Variants in IRF6 observed in about 807,000 individuals in gnomAD.
The protein encoded by IRF6 is Van der Woude syndrome.
Under a neutral mutation model 51.4 loss-of-function variants are expected in IRF6, and 6 were observed. The observed-to-expected ratio is 0.12, with a 90% CI of 0.06 to 0.23. IRF6 has a LOEUF of 0.23. IRF6 is among the 10% of genes least tolerant of loss of function. The probability of loss-of-function intolerance (pLI) is 1.00; values close to 1 mark genes in which losing one functional copy is unlikely to be tolerated. For missense variants in IRF6, 348 were observed against 585.2 expected, an observed-to-expected ratio of 0.59 and a Z score of 4.18; for synonymous variants, 178 against 215.7, an observed-to-expected ratio of 0.83 and a Z score of 1.53.
chr1:209,792,550 C>A, intron 5 of IRF6, 123 bp from the exon 6 acceptor site: 1 of 990,068 alleles, frequency 1.0e-6, no homozygotes, highest in Non-Finnish European at 1.5e-6. Flanking sequence ...CCAGTGTGAT[C>A]TTCCAGCCCA....
intron 5 of IRF6, chr1:209,792,739 A>C (rs1266239871): frequency 2.6e-6 from 1 of 380,776 alleles, no homozygotes; most frequent in Non-Finnish European, 4.8e-6. Context: ...CCATACTGTA[A>C]AATTTGGCCC....
chr1:209,792,142 A>G (rs1273504313), intron 6 of IRF6, 127 bp downstream of exon 6: 4 of 1,031,798 alleles, frequency 3.9e-6, no homozygotes, highest in Non-Finnish European at 5.9e-6. Context: ...AGGAAACAGA[A>G]ACAGAGGATG....
At position 209,786,879 on chromosome 1, in the gene IRF6, G is replaced by A. The variant is rs545169625; in HGVS notation, c.*1541C>T. 6.6e-6 allele frequency: 1 copy of A among 152,286 alleles called. No individual in the cohort carries two copies. Among genetic ancestry groups the A allele is most frequent in the South Asian group, 2.1e-4 (1 of 4,822 alleles). The allele number at this position is 152,286 out of a possible 1,614,324, so 9.4% of individuals were successfully genotyped here. The stretch of plus-strand genomic sequence containing the variant: ...GAGATGGCCTGGTTTAAAGGTACCA[G>A]ACTAGACATGGGCTTCCTTACTATG... On this transcript the variant is annotated 3_prime_UTR_variant, in exon 9 of 9. Coordinates refer to ENST00000367021, the MANE Select transcript of IRF6 (RefSeq NM_006147.4).
Position 209,790,374 on chromosome 1 carries a change from G to A in IRF6, c.1060+121C>T. The A allele has an allele frequency of 8.2e-7, 1 of 1,216,542 alleles. No individual in the cohort carries two copies. The highest frequency in any genetic ancestry group is 1.2e-6 in the Non-Finnish European group (1 of 835,604). 75.4% of individuals were successfully genotyped at this position (1,216,542 alleles called of 1,614,324 possible). A position where few individuals can be genotyped will look rare whatever the true frequency, so the allele number is the denominator to read the frequency against. ...TTCTGTTCTCCCTTGACCTCCTCCA[G>A]ACTAAATTTTTTAAGATCTTTGCCA... On this transcript the variant is annotated intron_variant, in intron 7 of 8. Coordinates refer to ENST00000367021, the MANE Select transcript of IRF6 (RefSeq NM_006147.4). This position sits in a 1 kb window ranked among gnomAD's most constrained non-coding sequence, Gnocchi z 4.8.
At position 209,790,969 on chromosome 1, in the gene IRF6, A is replaced by C. The variant is rs2077865677; in HGVS notation, c.668-82T>G. ...CTGTGACTCATGCAAGTCCATTAAG[A>C]TCAAGCCACCTTTCAACCAGCATTC... On this transcript the variant is annotated intron_variant, in intron 6 of 8. Transcript: ENST00000367021. This position sits in a 1 kb window ranked among gnomAD's most constrained non-coding sequence, Gnocchi z 4.8. The C allele has an allele frequency of 5.0e-6, 8 of 1,605,622 alleles. No individual in the cohort carries two copies. Among genetic ancestry groups the C allele is most frequent in the South Asian group, 1.1e-5 (1 of 90,466 alleles).
rs1038740901 is a variant in IRF6 at position 209,788,031 on chromosome 1, G to A, written c.*389C>T. 10 of 264,998 alleles carry A rather than the reference G, an allele frequency of 3.8e-5. No individual in the cohort carries two copies. The highest frequency in any genetic ancestry group is 5.9e-5 in the Non-Finnish European group (8 of 136,326). The allele number at this position is 264,998 out of a possible 1,614,324, so 16.4% of individuals were successfully genotyped here. On this transcript the variant is annotated 3_prime_UTR_variant, in exon 9 of 9. Transcript: ENST00000367021. Reference sequence around the variant, plus strand: ...CAAGTAGAAGAAGGTCATTGAGTCCGTTCTAAAGCTGGATGCAATTTCAGG... The same window carrying A: ...CAAGTAGAAGAAGGTCATTGAGTCCATTCTAAAGCTGGATGCAATTTCAGG...
rs566395558 is a variant in IRF6, at chr1:209,792,605, G to C, written c.509-178C>G. On this transcript the variant is annotated intron_variant, in intron 5 of 8. Coordinates refer to ENST00000367021, the MANE Select transcript of IRF6 (RefSeq NM_006147.4). ...ACGCAATAAGAAATAAGGTTCCCCT[G>C]CTCCTGCTTCCTAGTCATATTATTT... is the stretch of plus-strand genomic sequence containing the variant. The C allele has an allele frequency of 8.9e-5, 57 of 640,378 alleles. No homozygotes were observed. In the South Asian group the frequency reaches 1.1e-3, roughly 12 times the overall value. The allele number at this position is 640,378 out of a possible 1,614,324, so 39.7% of individuals were successfully genotyped here. A position where few individuals can be genotyped will look rare whatever the true frequency, so the allele number is the denominator to read the frequency against.
chr1:209,786,380 C>T lies in IRF6; in HGVS notation c.*2040G>A, dbSNP rs1042010116. The T allele has an allele frequency of 5.3e-5, 8 of 152,238 alleles. No homozygotes were observed. The highest frequency in any genetic ancestry group is 3.3e-4 in the Admixed American group (5 of 15,288). The allele number at this position is 152,238 out of a possible 1,614,324, so 9.4% of individuals were successfully genotyped here. A position where few individuals can be genotyped will look rare whatever the true frequency, so the allele number is the denominator to read the frequency against. ...GCATTTCTTGGCACTTTTCCAATAC[C>T]CTTTACCAGCTCACATTATCTGGGC... On this transcript the variant is annotated 3_prime_UTR_variant, in exon 9 of 9. Coordinates refer to ENST00000367021, the MANE Select transcript of IRF6 (RefSeq NM_006147.4).
intron 5 of IRF6, among the ~76,000 whole-genome samples, chr1:209,794,777 A>G (rs1166951051): frequency 6.6e-6 from 1 of 152,240 alleles, no homozygotes; most frequent in Non-Finnish European, 1.5e-5. Flanking sequence ...GCTGGATTCA[A>G]AAGCCCATAA....
chr1:209,801,608 A>C (rs2077942743), intron 2 of IRF6, among the ~76,000 whole-genome samples, 192 bp from the exon 3 acceptor site: 2 of 152,242 alleles, frequency 1.3e-5, no homozygotes, highest in Non-Finnish European at 1.5e-5. Context: ...TCTGATTCCA[A>C]AGCCATTTAC....
chr1:209,789,324 CAAA>C (rs983621256), intron 8 of IRF6, among the ~76,000 whole-genome samples: 14 of 119,992 alleles, frequency 1.2e-4, no homozygotes, highest in African/African-American at 3.8e-4. Flanking sequence ...ACCATGTCTC[CAAA>C]AAAAAAAAAA....
At chr1:209,805,032 G>A (rs189580717) in intron 1 of IRF6, among the ~76,000 whole-genome samples, 1 of 152,258 alleles carries the variant, frequency 6.6e-6, no homozygotes, top group East Asian at 1.9e-4. Context: ...CCCTTCTGCT[G>A]GATGGAAGCT....
At chr1:209,791,723 C>A (rs1276047073) in intron 6 of IRF6, among the ~76,000 whole-genome samples, 1 of 152,166 alleles carries the variant, frequency 6.6e-6, no homozygotes, top group East Asian at 1.9e-4. Context: ...CCTGAATAAC[C>A]TGGAGCTGGA....
chr1:209,792,527 A>G (rs2077875670), intron 5 of IRF6, 100 bp from the exon 6 acceptor site: 1 of 1,260,246 alleles, frequency 7.9e-7, no homozygotes. Flanking sequence ...AGAACCAAAC[A>G]CTGAACCCTG....
chr1:209,790,511 C>A lies in IRF6; in HGVS notation c.1044G>T (p.Leu348=). 4.3e-6 allele frequency: 7 copies of A among 1,613,982 alleles called. No individual in the cohort carries two copies. The highest frequency in any genetic ancestry group is 5.9e-6 in the Non-Finnish European group (7 of 1,180,026). Residue 348 remains leucine, a synonymous_variant, in exon 7 of 9, where the codon CTG becomes CTT. Coordinates refer to ENST00000367021, the MANE Select transcript of IRF6 (RefSeq NM_006147.4). This position sits in a 1 kb window ranked among gnomAD's most constrained non-coding sequence, Gnocchi z 4.8. ...ERQKKVKLFC[L]ETFLSDLIAH... is the part of the protein sequence containing the mutation. ...ATGACTTACCGCTAAGGAATGTTTC[C>A]AGACAAAATAGCTTGACCTTCTTTT...
intron 5 of IRF6, among the ~76,000 whole-genome samples, chr1:209,793,480 G>C (rs971055048): frequency 3.3e-5 from 5 of 152,216 alleles, no homozygotes; most frequent in African/African-American, 1.2e-4. Flanking sequence ...ATAACAGAAT[G>C]AGTCAGCCAG....
intron 3 of IRF6, among the ~76,000 whole-genome samples, chr1:209,798,850 A>G (rs1256687481): frequency 6.9e-6 from 1 of 145,352 alleles, no homozygotes; most frequent in East Asian, 2.1e-4. Flanking sequence ...CGGAGTTTGC[A>G]GTGAGCCAAG....
chr1:209,789,540 T>C, intron 8 of IRF6, 127 bp downstream of exon 8: 1 of 770,396 alleles, frequency 1.3e-6, no homozygotes, highest in Non-Finnish European at 2.4e-6. Context: ...CCTGAGTCTG[T>C]TACCCCATCT....
chr1:209,789,634 T>C, intron 8 of IRF6, 33 bp downstream of exon 8: 1 of 1,497,448 alleles, frequency 6.7e-7, no homozygotes, highest in Non-Finnish European at 9.3e-7. Flanking sequence ...GGCAAAAAGA[T>C]GAAGAGTTGT....
Sources: gnomAD v4.1 joint callset for allele counts (sites outside exome capture counted in the v4.1 genomes callset) on GRCh38, gnomAD v4.1.1 for gene constraint, Gnocchi (gnomAD v3.1) non-coding constraint, MANE v1.5 for transcripts, NCBI Gene and HGNC (gene_info 2026-07-23, HGNC 2026-07-21) for gene names.